Variants in SDK1 observed in about 807,000 individuals in gnomAD.
SDK1 encodes the protein protein sidekick-1.
A neutral mutation model predicts 245.5 loss-of-function variants in SDK1; 157 were observed. The ratio of observed to expected loss-of-function variants is 0.64; its 90% confidence interval spans 0.56 to 0.73. The LOEUF is 0.73. Ranked by LOEUF, SDK1 falls within the 30% of genes least tolerant of loss-of-function variation. The probability of loss-of-function intolerance (pLI) is 0.00; values close to 1 mark genes in which losing one functional copy is unlikely to be tolerated. For synonymous variants in SDK1, 1,647 were observed against 1,278.5 expected (o/e 1.29, Z -6.15); for missense variants, 3,583 against 3,002.3 (o/e 1.19, Z -4.52).
At chr7:3,834,684 G>C (rs1032630323) in intron 5 of SDK1, among the ~76,000 whole-genome samples, 39 of 152,152 alleles carry the variant, frequency 2.6e-4, no homozygotes, top group African/African-American at 9.4e-4. Context: ...CATTCCAAGA[G>C]AATCCTTATT....
intron 4 of SDK1, among the ~76,000 whole-genome samples, chr7:3,812,683 C>G (rs891452668): frequency 2.0e-5 from 3 of 152,290 alleles, no homozygotes; most frequent in Admixed American, 2.0e-4. Flanking sequence ...AGTTTCTTCC[C>G]TCTCTGGTCA....
intron 20 of SDK1, among the ~76,000 whole-genome samples, chr7:4,075,911 C>T (rs1209584935): frequency 3.3e-5 from 5 of 152,066 alleles, no homozygotes; most frequent in Non-Finnish European, 7.4e-5. Flanking sequence ...CCTTGGCCTC[C>T]CCAAGTGCTG....
intron 22 of SDK1, among the ~76,000 whole-genome samples, chr7:4,107,281 C>G (rs1336775926): frequency 5.9e-5 from 9 of 152,080 alleles, no homozygotes; most frequent in Non-Finnish European, 1.0e-4. Flanking sequence ...GTCTGTTTCC[C>G]CCTCACACAT....
rs1480605200 is a variant in SDK1, at chr7:4,100,220, G to A, written c.3325-10443G>A. 2.0e-5 allele frequency among the ~76,000 whole-genome samples: 3 copies of A among 152,216 alleles called. No individual in the cohort carries two copies. In the East Asian group the frequency reaches 5.8e-4, roughly 29 times the overall value. On this transcript the variant is annotated intron_variant, in intron 22 of 44. Coordinates refer to ENST00000404826, the MANE Select transcript of SDK1 (RefSeq NM_152744.4). ...GGGATCAGATCTGATGGGAGGGAGG[G>A]ACAGATGCGGATGGGGAGGTTGCAG...
At chr7:3,362,960 AAAT>A (rs1028744141) in intron 1 of SDK1, among the ~76,000 whole-genome samples, 2 of 152,196 alleles carry the variant, frequency 1.3e-5, no homozygotes, top group African/African-American at 2.4e-5. Flanking sequence ...CGGTTATAAG[AAAT>A]AATACAGAGA....
intron 1 of SDK1, among the ~76,000 whole-genome samples, chr7:3,591,975 A>G (rs1046525268): frequency 6.6e-6 from 1 of 152,356 alleles, no homozygotes; most frequent in Non-Finnish European, 1.5e-5. Flanking sequence ...ACAGATGACA[A>G]ACAAGGCTAC....
At chr7:3,794,068 A>T (rs1428316082) in intron 4 of SDK1, among the ~76,000 whole-genome samples, 8 of 152,208 alleles carry the variant, frequency 5.3e-5, no homozygotes, top group African/African-American at 9.6e-5. Flanking sequence ...TGCTATCTTT[A>T]TACAATTGAA....
chr7:3,459,892 C>T lies in SDK1; in HGVS notation c.298+158008C>T, dbSNP rs577384655. ...TGTGTAGGTAAGAGAAGGTATCTCT[C>T]GTGTTTATTGAGGCTTTTCAATATG... On this transcript the variant is annotated intron_variant, in intron 1 of 44. Coordinates refer to ENST00000404826, the MANE Select transcript of SDK1 (RefSeq NM_152744.4). Among the ~76,000 whole-genome samples the T allele has an allele frequency of 9.9e-5, 15 of 152,244 alleles. No homozygotes were observed. The South Asian group carries it at 1.0e-3, about 11-fold the overall frequency.
At chr7:3,342,523 G>A (rs572992782) in intron 1 of SDK1, among the ~76,000 whole-genome samples, 1 of 152,276 alleles carries the variant, frequency 6.6e-6, no homozygotes, top group Admixed American at 6.5e-5. Context: ...AGGAGGTGGA[G>A]GTTGCGGTGA....
chr7:3,925,495 C>T (rs1779735945), intron 5 of SDK1, among the ~76,000 whole-genome samples: 1 of 152,154 alleles, frequency 6.6e-6, no homozygotes, highest in African/African-American at 2.4e-5. Context: ...CTCTCGTCGC[C>T]AAACTAAGCA....
chr7:3,520,610 C>G (rs1782905843), intron 1 of SDK1, among the ~76,000 whole-genome samples: 1 of 152,146 alleles, frequency 6.6e-6, no homozygotes, highest in South Asian at 2.1e-4. Flanking sequence ...ATGTATCTGA[C>G]CTGCTTCCTT....
At chr7:3,768,678 A>C (rs956682228) in intron 4 of SDK1, among the ~76,000 whole-genome samples, 1 of 152,216 alleles carries the variant, frequency 6.6e-6, no homozygotes, top group African/African-American at 2.4e-5. Flanking sequence ...CATCGGGTAC[A>C]GCCTAAAGGT....
At chr7:3,479,319 G>A (rs1781438552) in intron 1 of SDK1, among the ~76,000 whole-genome samples, 1 of 150,666 alleles carries the variant, frequency 6.6e-6, no homozygotes, top group Non-Finnish European at 1.5e-5. Context: ...CTACTTGGGA[G>A]GCTGAGGCAG....
In SDK1 at chr7:3,853,353, A is replaced by G. The variant is rs528790125; in HGVS notation, c.847+31770A>G. On this transcript the variant is annotated intron_variant, in intron 5 of 44. Coordinates refer to ENST00000404826, the MANE Select transcript of SDK1 (RefSeq NM_152744.4). ...AGCTGCTGGCAATATAGCCATAAACATAACTGTCCTCAAGGATGTCACAAT... is the reference window on the plus strand; with the variant it reads ...AGCTGCTGGCAATATAGCCATAAACGTAACTGTCCTCAAGGATGTCACAAT... Among the ~76,000 whole-genome samples the G allele has an allele frequency of 1.0e-3, 158 of 152,288 alleles. 1 individual carries two copies. The highest frequency in any genetic ancestry group is 1.6e-3 in the Non-Finnish European group (108 of 68,006).
chr7:4,090,933 C>T (rs1011709244), intron 22 of SDK1, among the ~76,000 whole-genome samples: 1 of 152,142 alleles, frequency 6.6e-6, no homozygotes, highest in Non-Finnish European at 1.5e-5. Flanking sequence ...CTCTGGCTCC[C>T]AGTATGCTCA....
intron 17 of SDK1, among the ~76,000 whole-genome samples, chr7:4,048,046 G>A (rs541999228): frequency 9.8e-5 from 15 of 152,292 alleles, no homozygotes; most frequent in Middle Eastern, 6.8e-3. Context: ...GGGAAGAGAA[G>A]ACTTGAGGGG....
intron 1 of SDK1, among the ~76,000 whole-genome samples, chr7:3,419,909 A>G (rs1779490132): frequency 1.3e-5 from 2 of 152,210 alleles, no homozygotes; most frequent in Admixed American, 1.3e-4. Context: ...AAAGATAAAT[A>G]AGTAAAATTG....
chr7:4,255,983 G>A (rs189287134), intron 44 of SDK1, among the ~76,000 whole-genome samples: 36 of 144,080 alleles, frequency 2.5e-4, no homozygotes, highest in African/African-American at 6.1e-4. Context: ...GCAGTGGTGC[G>A]ATCTCAGCTC....
chr7:3,526,566 A>G (rs1783141789), intron 1 of SDK1, among the ~76,000 whole-genome samples: 1 of 152,004 alleles, frequency 6.6e-6, no homozygotes. Flanking sequence ...GTGGAATTCT[A>G]TTTTTAGTTA....
Sources: allele counts gnomAD v4.1 joint callset (sites outside exome capture counted in the v4.1 genomes callset), GRCh38; gene constraint gnomAD v4.1.1; transcripts MANE v1.5; gene names NCBI Gene and HGNC (gene_info 2026-07-23, HGNC 2026-07-21).